TBCD: variants seen among roughly 807,000 people sequenced by gnomAD.
TBCD encodes tubulin folding cofactor D.
In TBCD, 105 loss-of-function variants were observed where a neutral mutation model predicts 169.3. The ratio of observed to expected loss-of-function variants is 0.62; its 90% CI spans 0.53 to 0.73. The LOEUF is 0.73. Ranked by LOEUF, TBCD falls within the 30% of genes least tolerant of loss-of-function variation. The probability of loss-of-function intolerance (pLI) is 0.00; values close to 1 mark genes in which losing one functional copy is unlikely to be tolerated. For synonymous variants in TBCD, 700 were observed against 643.9 expected, an observed-to-expected ratio of 1.09 and a Z score of -1.32; for missense variants, 1,444 against 1,600.1, an observed-to-expected ratio of 0.90 and a Z score of 1.66.
chr17:82,908,722 C>T (rs2060417642), intron 21 of TBCD, among the ~76,000 whole-genome samples: 2 of 152,172 alleles, frequency 1.3e-5, no homozygotes, highest in African/African-American at 2.4e-5. Flanking sequence ...CAGCCATGAA[C>T]GTGGCCTCCC....
At position 82,915,892 on chromosome 17, in the gene TBCD, AG is replaced by A. The variant is rs534931176; in HGVS notation, c.2038+4106del. 4.2e-4 allele frequency among the ~76,000 whole-genome samples: 64 copies of A among 152,276 alleles called. No homozygotes were observed. In the East Asian group the frequency reaches 0.012, roughly 29 times the overall value. ...TAATGGACTTCCTGCTGTGGGGGTG[AG>A]GGCTCCGTGCTCCATCTCTGATGCC... is the stretch of plus-strand genomic sequence containing the variant. On this transcript the variant is annotated intron_variant, in intron 23 of 38. Coordinates refer to ENST00000355528, the MANE Select transcript of TBCD (RefSeq NM_005993.5). The surrounding 1 kb of genome is among the most constrained non-coding windows in gnomAD (Gnocchi z 4.3).
At position 82,874,913 on chromosome 17, in the gene TBCD, T is replaced by A. The variant is rs1315255743; in HGVS notation, c.1475+4533T>A. Among the ~76,000 whole-genome samples the A allele has an allele frequency of 2.6e-5, 4 of 152,216 alleles. No individual in the cohort carries two copies. The highest frequency in any genetic ancestry group is 5.9e-5 in the Non-Finnish European group (4 of 68,034). On this transcript the variant is annotated intron_variant, in intron 14 of 38. Coordinates refer to ENST00000355528, the MANE Select transcript of TBCD (RefSeq NM_005993.5). The surrounding 1 kb of genome is among the most constrained non-coding windows in gnomAD (Gnocchi z 5.0). ...TAACTTTCACAAGTTCTTCGGTGGG[T>A]CCTGTAACAGTGGGTGCTTGGGATC...
rs899392162 is a variant in TBCD at position 82,920,267 on chromosome 17, G to A, written c.2039-289G>A. On this transcript the variant is annotated intron_variant, in intron 23 of 38. Transcript: ENST00000355528. The surrounding 1 kb of genome is among the most constrained non-coding windows in gnomAD (Gnocchi z 4.1). ...AGGGACGTCTGCAGCTCCCTGACAG[G>A]CCGGCCCGGCTTCTCTGAAGTGCAC... Among the ~76,000 whole-genome samples the A allele has an allele frequency of 6.6e-6, 1 of 152,260 alleles. No homozygotes were observed. The highest frequency in any genetic ancestry group is 2.1e-4 in the South Asian group (1 of 4,834).
In TBCD at chr17:82,864,732, T is replaced by TG. The variant is rs1216585058; in HGVS notation, c.1319-5488dup. On this transcript the variant is annotated intron_variant, in intron 13 of 38. Coordinates refer to ENST00000355528, the MANE Select transcript of TBCD (RefSeq NM_005993.5). This position sits in a 1 kb window ranked among gnomAD's most constrained non-coding sequence, Gnocchi z 6.3. Reference sequence around the variant, plus strand: ...ATCCCACCGAGGCCGGGGTTGTGCTTGGGGCACTGGGGGAGAGCAGAGCAG... The same window carrying TG: ...ATCCCACCGAGGCCGGGGTTGTGCTTGGGGGCACTGGGGGAGAGCAGAGCAG... Among the ~76,000 whole-genome samples the TG allele has an allele frequency of 6.6e-6, 1 of 151,824 alleles. No homozygotes were observed. Among genetic ancestry groups the TG allele is most frequent in the Non-Finnish European group, 1.5e-5 (1 of 67,938 alleles).
At chr17:82,868,449 G>A (rs74000121) in intron 13 of TBCD, among the ~76,000 whole-genome samples, 1,563 of 152,300 alleles carry the variant, frequency 0.01, 20 homozygotes, top group African/African-American at 0.035. Flanking sequence ...AGAGGAGGCA[G>A]TTTCCCTAGC....
intron 13 of TBCD, among the ~76,000 whole-genome samples, chr17:82,846,215 A>G (rs1477051566): frequency 4.0e-4 from 38 of 94,902 alleles, no homozygotes; most frequent in African/African-American, 6.6e-4. Flanking sequence ...CCGGCATGCC[A>G]CGTCCCCTCG....
At chr17:82,830,662 A>C in intron 13 of TBCD, 1 of 1,613,724 alleles carries the variant, frequency 6.2e-7, no homozygotes, top group Non-Finnish European at 8.5e-7. Flanking sequence ...CGAGAGATTG[A>C]GTGGAAGGTC....
chr17:82,769,720 T>TA (rs1199106054), intron 5 of TBCD, among the ~76,000 whole-genome samples: 2 of 151,696 alleles, frequency 1.3e-5, no homozygotes, highest in Non-Finnish European at 2.9e-5. Context: ...CTACTAAAAA[T>TA]ACAAAAATTA....
rs371623110 is a variant in TBCD, at chr17:82,893,600, C to T, written c.1617C>T (p.Val539=). The change falls in exon 17 of 39, where the codon GTC becomes GTT. Residue 539 remains valine (V), a synonymous_variant. Transcript: ENST00000355528. ...DILTTADYFA[V]GNRSNCFLVI... is the part of the protein sequence containing the mutation. ...TGACCACAGCTGACTATTTTGCCGT[C>T]GGTAACAGATCCAACTGTTTCCTGG... The T allele has an allele frequency of 8.5e-5, 137 of 1,611,406 alleles. No homozygotes were observed. Among genetic ancestry groups the T allele is most frequent in the African/African-American group, 5.6e-4 (42 of 75,010 alleles).
intron 13 of TBCD, among the ~76,000 whole-genome samples, chr17:82,820,204 C>CT (rs2052299889): frequency 6.6e-6 from 1 of 152,194 alleles, no homozygotes; most frequent in South Asian, 2.1e-4. Flanking sequence ...TCTCGAACTC[C>CT]TGACCTCAAG....
At chr17:82,881,431 C>T (rs74000154) in intron 14 of TBCD, among the ~76,000 whole-genome samples, 1,566 of 152,332 alleles carry the variant, frequency 0.01, 20 homozygotes, top group African/African-American at 0.035. Flanking sequence ...GAACGTGGGT[C>T]TGGGCTGTGC....
chr17:82,784,651 A>G (rs2049174128), intron 7 of TBCD, among the ~76,000 whole-genome samples: 2 of 152,202 alleles, frequency 1.3e-5, no homozygotes, highest in South Asian at 4.1e-4. Flanking sequence ...GGTAGATGGC[A>G]GTGGCCAGGG....
intron 14 of TBCD, among the ~76,000 whole-genome samples, chr17:82,881,334 A>G (rs1331363076): frequency 2.0e-5 from 3 of 152,262 alleles, no homozygotes; most frequent in Non-Finnish European, 2.9e-5. Context: ...GTTAGTAATT[A>G]AACCAAGTAA....
chr17:82,891,998 C>G (rs993399515), intron 16 of TBCD, among the ~76,000 whole-genome samples: 1 of 152,174 alleles, frequency 6.6e-6, no homozygotes, highest in Non-Finnish European at 1.5e-5. Flanking sequence ...CCATCAGGCC[C>G]TTGTGGTGGC....
intron 20 of TBCD, among the ~76,000 whole-genome samples, 190 bp from the exon 21 acceptor site, chr17:82,907,571 G>A (rs947265734): frequency 6.6e-6 from 1 of 152,176 alleles, no homozygotes; most frequent in South Asian, 2.1e-4. Context: ...AAAAATAATC[G>A]GAGGTATGTC....
intron 13 of TBCD, among the ~76,000 whole-genome samples, chr17:82,855,488 G>A (rs947740850): frequency 3.3e-5 from 5 of 151,586 alleles, no homozygotes; most frequent in Non-Finnish European, 5.9e-5. Flanking sequence ...GGCTGGTCAC[G>A]AACTCCTGGG....
intron 15 of TBCD, among the ~76,000 whole-genome samples, chr17:82,888,992 G>A (rs368092931): frequency 1.3e-5 from 2 of 152,196 alleles, no homozygotes; most frequent in Non-Finnish European, 2.9e-5. Flanking sequence ...CTCGGAGCCC[G>A]GGTGCTTTTG....
At chr17:82,758,394 A>ATAAATAAAT (rs1231514632) in intron 2 of TBCD, among the ~76,000 whole-genome samples, 4 of 129,228 alleles carry the variant, frequency 3.1e-5, no homozygotes, top group African/African-American at 1.0e-4. Context: ...GAAAAAAAAA[A>ATAAATAAAT]AAAAAAAAAT....
chr17:82,795,756 G>A (rs999879566), intron 7 of TBCD: 15 of 298,588 alleles, frequency 5.0e-5, no homozygotes, highest in Non-Finnish European at 5.9e-5. Flanking sequence ...TTTGATGCCT[G>A]GGCCTCTGCC....
Sources: allele counts gnomAD v4.1 joint callset (sites outside exome capture counted in the v4.1 genomes callset), GRCh38; gene constraint gnomAD v4.1.1; non-coding constraint Gnocchi (gnomAD v3.1); transcripts MANE v1.5; gene names NCBI Gene and HGNC (gene_info 2026-07-23, HGNC 2026-07-21).